Variants in PRKD1 observed in about 807,000 individuals in gnomAD.
PRKD1 encodes the protein serine/threonine-protein kinase D1.
In PRKD1, 63 loss-of-function variants were observed where a neutral mutation model predicts 95.9. The ratio of observed to expected loss-of-function variants is 0.66; its 90% CI spans 0.54 to 0.81. The LOEUF (loss-of-function observed/expected upper bound fraction) is 0.81, where lower values mean the gene tolerates loss of function less well. PRKD1 is among the 30% of genes least tolerant of loss of function. The probability of loss-of-function intolerance (pLI) is 0.00; values close to 1 mark genes in which losing one functional copy is unlikely to be tolerated. For missense variants in PRKD1, 1,048 were observed against 1,165.3 expected (o/e 0.90, Z 1.47); for synonymous variants, 425 against 423.1 (o/e 1.00, Z -0.05).
At chr14:29,584,144 C>G (rs1046393817) in intron 16 of PRKD1, among the ~76,000 whole-genome samples, 1 of 152,142 alleles carries the variant, frequency 6.6e-6, no homozygotes, top group Non-Finnish European at 1.5e-5. Flanking sequence ...TGAAAAGAAG[C>G]ATTCCATCAG....
Position 29,826,820 on chromosome 14 carries a change from T to C in PRKD1, c.264+100429A>G, listed in dbSNP as rs1207474169. Among the ~76,000 whole-genome samples the C allele has an allele frequency of 4.8e-4, 13 of 27,194 alleles. 1 individual carries two copies. Among genetic ancestry groups the C allele is most frequent in the African/African-American group, 1.3e-3 (8 of 6,278 alleles). 17.8% of individuals were successfully genotyped at this position (27,194 alleles called of 152,430 possible). ...ATATATACACATATATATACACATA[T>C]ATATATATATATATATATACACACA... On this transcript the variant is annotated intron_variant, in intron 1 of 17. Coordinates refer to ENST00000331968, the MANE Select transcript of PRKD1 (RefSeq NM_002742.3).
intron 16 of PRKD1, among the ~76,000 whole-genome samples, chr14:29,583,729 T>C (rs769117239): frequency 6.6e-6 from 1 of 152,182 alleles, no homozygotes; most frequent in African/African-American, 2.4e-5. Context: ...TTGTATGGTG[T>C]ACATTTCCAT....
At chr14:29,778,355 T>A (rs1888872338) in intron 1 of PRKD1, among the ~76,000 whole-genome samples, 1 of 152,052 alleles carries the variant, frequency 6.6e-6, no homozygotes, top group East Asian at 1.9e-4. Context: ...GGAGCTGGTT[T>A]TTTGAAAAGA....
chr14:29,593,480 C>A (rs572983431), intron 16 of PRKD1, among the ~76,000 whole-genome samples: 4 of 152,132 alleles, frequency 2.6e-5, no homozygotes, highest in East Asian at 1.9e-4. Context: ...CTGGGGCTGC[C>A]GAATGATTGT....
intron 1 of PRKD1, among the ~76,000 whole-genome samples, chr14:29,758,246 G>T (rs956426565): frequency 6.6e-6 from 1 of 151,994 alleles, no homozygotes; most frequent in Non-Finnish European, 1.5e-5. Context: ...AGAAAAAGAG[G>T]GAAGTGGTAA....
At chr14:29,589,143 C>A (rs1028672263) in intron 16 of PRKD1, among the ~76,000 whole-genome samples, 32 of 152,260 alleles carry the variant, frequency 2.1e-4, no homozygotes, top group African/African-American at 6.7e-4. Context: ...TGGCCCATTA[C>A]TAACCTTCCT....
intron 2 of PRKD1, among the ~76,000 whole-genome samples, chr14:29,685,896 T>G (rs45583935): frequency 1.3e-3 from 204 of 152,268 alleles, no homozygotes; most frequent in African/African-American, 4.8e-3. Flanking sequence ...CTTTTTTAAC[T>G]CAGAATTTCT....
At chr14:29,806,025 C>G (rs1038417979) in intron 1 of PRKD1, among the ~76,000 whole-genome samples, 2 of 151,892 alleles carry the variant, frequency 1.3e-5, no homozygotes, top group African/African-American at 4.8e-5. Flanking sequence ...GAGACATCAC[C>G]CACCCAGACA....
At chr14:29,603,426 T>C (rs1294562629) in intron 13 of PRKD1, among the ~76,000 whole-genome samples, 4 of 152,224 alleles carry the variant, frequency 2.6e-5, no homozygotes, top group South Asian at 2.1e-4. Context: ...ACATAGATCA[T>C]GCCTTATTTA....
At chr14:29,808,686 C>T (rs1183270607) in intron 1 of PRKD1, among the ~76,000 whole-genome samples, 1 of 151,978 alleles carries the variant, frequency 6.6e-6, no homozygotes, top group African/African-American at 2.4e-5. Flanking sequence ...AGGCATGAAC[C>T]ACCTTCAGGT....
At position 29,598,793 on chromosome 14, in the gene PRKD1, C is replaced by T. The variant is rs548226992; in HGVS notation, c.2166+234G>A. 5.9e-5 allele frequency among the ~76,000 whole-genome samples: 9 copies of T among 152,222 alleles called. No individual in the cohort carries two copies. The South Asian group carries it at 6.2e-4, about 11-fold the overall frequency. The stretch of plus-strand genomic sequence containing the variant: ...AGTGTTGTCACTCTCAGGCCACTTC[C>T]GGAAAAGCCAAAAGGCAGAATGAGA... On this transcript the variant is annotated intron_variant, in intron 15 of 17. Coordinates refer to ENST00000331968, the MANE Select transcript of PRKD1 (RefSeq NM_002742.3).
rs45552935 is a variant in PRKD1, at chr14:29,594,964, T to C, written c.2434+2527A>G. On this transcript the variant is annotated intron_variant, in intron 16 of 17. Coordinates refer to ENST00000331968, the MANE Select transcript of PRKD1 (RefSeq NM_002742.3). ...ACTTTTCTCTATATTCAAGCATGAG[T>C]TCTGTTCATACATCAGCAGCTAGGT... Among the ~76,000 whole-genome samples, 231 of 152,010 alleles carry C rather than the reference T, an allele frequency of 1.5e-3. 1 individual carries two copies. Among genetic ancestry groups the C allele is most frequent in the African/African-American group, 5.0e-3 (206 of 41,406 alleles).
intron 1 of PRKD1, among the ~76,000 whole-genome samples, chr14:29,773,917 C>T (rs1333688712): frequency 1.3e-5 from 2 of 152,172 alleles, no homozygotes; most frequent in Non-Finnish European, 2.9e-5. Flanking sequence ...GGACCTCATT[C>T]TCCAAGTTAG....
At chr14:29,865,960 T>G (rs563078428) in intron 1 of PRKD1, among the ~76,000 whole-genome samples, 2 of 152,328 alleles carry the variant, frequency 1.3e-5, no homozygotes, top group Admixed American at 6.5e-5. Context: ...AAGATATTTT[T>G]TAACCTAGAA....
At chr14:29,826,712 T>TACAC (rs1426477189) in intron 1 of PRKD1, among the ~76,000 whole-genome samples, 1 of 38,616 alleles carries the variant, frequency 2.6e-5, no homozygotes, top group Non-Finnish European at 4.8e-5. Context: ...TATATACACA[T>TACAC]ATATATATAC....
chr14:29,823,740 A>G lies in PRKD1; in HGVS notation c.265-98066T>C, dbSNP rs138955141. Reference sequence around the variant, plus strand: ...GACCATTATAAGTTGTTGATAGAAGAGGAAAGATAAAGTTTTTAATATTTG... The same window carrying G: ...GACCATTATAAGTTGTTGATAGAAGGGGAAAGATAAAGTTTTTAATATTTG... On this transcript the variant is annotated intron_variant, in intron 1 of 17. Transcript: ENST00000331968. Among the ~76,000 whole-genome samples, 507 of 152,334 alleles carry G rather than the reference A, an allele frequency of 3.3e-3. 4 individuals carry two copies. The highest frequency in any genetic ancestry group is 0.031 in the Middle Eastern group (9 of 294).
chr14:29,638,630 GA>G, intron 5 of PRKD1, 63 bp downstream of exon 5: 1 of 1,612,320 alleles, frequency 6.2e-7, no homozygotes. Flanking sequence ...GTGGTAACCA[GA>G]AAATACTTAT....
At chr14:29,896,608 T>C (rs1384360739) in intron 1 of PRKD1, among the ~76,000 whole-genome samples, 1 of 151,862 alleles carries the variant, frequency 6.6e-6, no homozygotes, top group Non-Finnish European at 1.5e-5. Context: ...ACAAGATATG[T>C]GGCAACCAAG....
intron 2 of PRKD1, 139 bp downstream of exon 2, chr14:29,725,397 T>C (rs918084318): frequency 2.9e-6 from 3 of 1,036,698 alleles, no homozygotes; most frequent in Non-Finnish European, 4.2e-6. Context: ...CCCTTTTTCA[T>C]GTGGACAGAG....
Sources: gnomAD v4.1 joint callset for allele counts (sites outside exome capture counted in the v4.1 genomes callset) on GRCh38, gnomAD v4.1.1 for gene constraint, MANE v1.5 for transcripts, NCBI Gene and HGNC (gene_info 2026-07-23, HGNC 2026-07-21) for gene names.